Variants in IMMP2L observed in about 807,000 individuals in gnomAD.
IMMP2L encodes the protein mitochondrial inner membrane protease subunit 2.
A neutral mutation model predicts 19.3 loss-of-function variants in IMMP2L; 18 were observed. The observed-to-expected ratio is 0.93, with a 90% CI of 0.64 to 1.38. The LOEUF is 1.38. Among genes scored for constraint, IMMP2L ranks in the 40% most tolerant of loss-of-function variants. The pLI is 0.00. For synonymous variants in IMMP2L, 76 were observed against 73.0 expected (o/e 1.04, Z -0.21); for missense variants, 233 against 218.2 (o/e 1.07, Z -0.43).
At chr7:111,234,767 A>G (rs139330098) in intron 3 of IMMP2L, among the ~76,000 whole-genome samples, 259 of 152,118 alleles carry the variant, frequency 1.7e-3, no homozygotes, top group African/African-American at 5.1e-3. Flanking sequence ...TTATACCTTT[A>G]ATTTATCATG....
chr7:110,720,958 C>T (rs147118601), intron 5 of IMMP2L, among the ~76,000 whole-genome samples: 1,768 of 152,156 alleles, frequency 0.012, 25 homozygotes, highest in South Asian at 0.048. Flanking sequence ...GAAGGCTTAA[C>T]CTTCCATCTT....
At chr7:110,951,909 C>T (rs765219270) in intron 4 of IMMP2L, among the ~76,000 whole-genome samples, 1 of 151,940 alleles carries the variant, frequency 6.6e-6, no homozygotes, top group Non-Finnish European at 1.5e-5. Flanking sequence ...AAAGAGAAAC[C>T]CCGGTCAACG....
At chr7:111,208,514 A>C (rs1562928031) in intron 3 of IMMP2L, among the ~76,000 whole-genome samples, 1 of 152,312 alleles carries the variant, frequency 6.6e-6, no homozygotes, top group South Asian at 2.1e-4. Context: ...CAGGTTATGA[A>C]ATGTTTGTTA....
chr7:111,419,866 T>C (rs750268240), intron 3 of IMMP2L, among the ~76,000 whole-genome samples: 15 of 151,740 alleles, frequency 9.9e-5, no homozygotes, highest in South Asian at 4.1e-4. Flanking sequence ...TCAAAAAATA[T>C]TGTCCTATTC....
chr7:111,337,995 TA>T (rs1322695419), intron 3 of IMMP2L, among the ~76,000 whole-genome samples: 10 of 151,952 alleles, frequency 6.6e-5, no homozygotes, highest in Non-Finnish European at 1.0e-4. Flanking sequence ...AAAACACACA[TA>T]AAAGGATAGA....
intron 3 of IMMP2L, among the ~76,000 whole-genome samples, chr7:111,207,610 A>C (rs1334091763): frequency 8.4e-5 from 11 of 131,024 alleles, no homozygotes; most frequent in African/African-American, 3.3e-4. Flanking sequence ...ACAATCCCTC[A>C]CTGCAACCTC....
chr7:111,403,585 GT>G (rs1009909086), intron 3 of IMMP2L, among the ~76,000 whole-genome samples: 4 of 152,030 alleles, frequency 2.6e-5, no homozygotes, highest in African/African-American at 9.7e-5. Context: ...CAAAATATAT[GT>G]TTTGTTTAAA....
chr7:110,930,341 A>T (rs1487120369), intron 4 of IMMP2L, among the ~76,000 whole-genome samples: 4 of 151,330 alleles, frequency 2.6e-5, no homozygotes, highest in Non-Finnish European at 4.4e-5. Context: ...CCCTAACTTG[A>T]GCTTCTCCAA....
At position 110,925,064 on chromosome 7, in the gene IMMP2L, G is replaced by A. The variant is rs776814061; in HGVS notation, c.306-38369C>T. Among the ~76,000 whole-genome samples the A allele has an allele frequency of 1.7e-4, 26 of 152,180 alleles. No individual in the cohort carries two copies. In the East Asian group the frequency reaches 1.9e-3, roughly 11 times the overall value. ...TATTGCTGGGGTGAAAAATGGAATC[G>A]TGGCATAAGATGTGTGGGGGAAAAG... On this transcript the variant is annotated intron_variant, in intron 4 of 5. Transcript: ENST00000405709.
chr7:111,426,821 AT>A (rs1308080571), intron 3 of IMMP2L, among the ~76,000 whole-genome samples: 1 of 151,094 alleles, frequency 6.6e-6, no homozygotes, highest in Middle Eastern at 3.2e-3. Flanking sequence ...GTTATATGAG[AT>A]TTTTTTAAAT....
intron 3 of IMMP2L, among the ~76,000 whole-genome samples, chr7:111,196,439 G>A (rs1809511725): frequency 1.3e-5 from 2 of 152,056 alleles, no homozygotes; most frequent in Non-Finnish European, 2.9e-5. Flanking sequence ...GAACAATGTG[G>A]TATTTTCTCT....
chr7:110,728,063 G>T lies in IMMP2L; in HGVS notation c.409-64342C>A, dbSNP rs1430987634. 6.6e-6 allele frequency among the ~76,000 whole-genome samples: 1 copy of T among 152,120 alleles called. No individual in the cohort carries two copies. The highest frequency in any genetic ancestry group is 1.5e-5 in the Non-Finnish European group (1 of 68,040). Reference sequence around the variant, plus strand: ...CTCAATTTCTTCTTCTGAAGAACAGGGGTACCAACAATATATACTTCATAA... The same window carrying T: ...CTCAATTTCTTCTTCTGAAGAACAGTGGTACCAACAATATATACTTCATAA... On this transcript the variant is annotated intron_variant, in intron 5 of 5. Transcript: ENST00000405709. The surrounding 1 kb of genome is among the most constrained non-coding windows in gnomAD (Gnocchi z 4.6).
intron 3 of IMMP2L, among the ~76,000 whole-genome samples, chr7:111,284,556 T>C (rs1391830098): frequency 6.6e-6 from 1 of 152,172 alleles, no homozygotes; most frequent in Non-Finnish European, 1.5e-5. Flanking sequence ...GGGAAAACCG[T>C]AGTGCTGACA....
intron 3 of IMMP2L, among the ~76,000 whole-genome samples, chr7:111,166,459 T>C (rs1805830702): frequency 6.6e-6 from 1 of 151,970 alleles, no homozygotes; most frequent in African/African-American, 2.4e-5. Flanking sequence ...GAGAAGCAAA[T>C]ATACTTTAAC....
intron 3 of IMMP2L, among the ~76,000 whole-genome samples, chr7:111,070,011 A>G (rs999860415): frequency 2.6e-5 from 4 of 152,166 alleles, no homozygotes; most frequent in African/African-American, 9.7e-5. Flanking sequence ...ATAACATAAG[A>G]AAGGTGATAA....
chr7:110,927,459 T>G (rs1010634463), intron 4 of IMMP2L, among the ~76,000 whole-genome samples: 3 of 152,026 alleles, frequency 2.0e-5, no homozygotes, highest in East Asian at 3.9e-4. Context: ...GCCCTCAGGA[T>G]TATCCAGGTG....
intron 3 of IMMP2L, among the ~76,000 whole-genome samples, chr7:111,219,393 G>A (rs1447996758): frequency 6.6e-6 from 1 of 151,874 alleles, no homozygotes. Context: ...CTGGAAATAA[G>A]GCCTAGGACC....
chr7:111,015,844 A>G (rs931769089), intron 3 of IMMP2L, among the ~76,000 whole-genome samples: 10 of 152,174 alleles, frequency 6.6e-5, no homozygotes, highest in African/African-American at 2.4e-4. Context: ...TGATTGACAC[A>G]CTTGTGTTGC....
intron 4 of IMMP2L, among the ~76,000 whole-genome samples, chr7:110,939,047 A>C (rs1163892887): frequency 6.6e-6 from 1 of 152,182 alleles, no homozygotes; most frequent in Non-Finnish European, 1.5e-5. Context: ...TAAATCCTCT[A>C]AAGCAGAAAA....
Sources: allele counts gnomAD v4.1 joint callset (sites outside exome capture counted in the v4.1 genomes callset), GRCh38; gene constraint gnomAD v4.1.1; non-coding constraint Gnocchi (gnomAD v3.1); transcripts MANE v1.5; gene names NCBI Gene and HGNC (gene_info 2026-07-23, HGNC 2026-07-21).